The following DCC variants were observed in gnomAD, a reference collection of about 807,000 sequenced individuals.
DCC encodes netrin receptor DCC.
In DCC, 58 loss-of-function variants were observed where a neutral mutation model predicts 172.5. That is an observed-to-expected ratio of 0.34 (90% CI 0.27 to 0.42). DCC has a LOEUF of 0.42. Ranked by LOEUF, DCC falls within the 10% of genes least tolerant of loss-of-function variation. DCC has a pLI of 1.00. For synonymous variants in DCC, 709 were observed against 644.5 expected, an observed-to-expected ratio of 1.10 and a Z score of -1.52; for missense variants, 1,740 against 1,791.0, an observed-to-expected ratio of 0.97 and a Z score of 0.51.
At chr18:53,095,578 G>C (rs1349388391) in intron 7 of DCC, among the ~76,000 whole-genome samples, 1 of 152,070 alleles carries the variant, frequency 6.6e-6, no homozygotes, top group Non-Finnish European at 1.5e-5. Flanking sequence ...CTTGGCTCAT[G>C]GCCCCTTCCT....
intron 13 of DCC, among the ~76,000 whole-genome samples, chr18:53,316,728 T>A (rs939677384): frequency 1.3e-5 from 2 of 152,172 alleles, no homozygotes; most frequent in African/African-American, 2.4e-5. Flanking sequence ...CAATTGTGAA[T>A]GGGAGTTCAC....
At chr18:52,356,797 T>TG (rs1984385741) in intron 1 of DCC, among the ~76,000 whole-genome samples, 1 of 152,042 alleles carries the variant, frequency 6.6e-6, no homozygotes, top group Non-Finnish European at 1.5e-5. Flanking sequence ...CATTTTTTTT[T>TG]TTTGAGTCAG....
At chr18:53,261,369 G>C (rs2056598592) in intron 12 of DCC, among the ~76,000 whole-genome samples, 2 of 152,154 alleles carry the variant, frequency 1.3e-5, no homozygotes, top group African/African-American at 4.8e-5. Flanking sequence ...GACGTTTTGT[G>C]TCCTCTTCTC....
At chr18:52,374,696 C>T (rs892959803) in intron 1 of DCC, among the ~76,000 whole-genome samples, 1 of 152,058 alleles carries the variant, frequency 6.6e-6, no homozygotes, top group African/African-American at 2.4e-5. Flanking sequence ...ATAATATCAA[C>T]TTTGAGCTGG....
intron 9 of DCC, among the ~76,000 whole-genome samples, chr18:53,180,130 T>A (rs1202412829): frequency 6.6e-6 from 1 of 152,174 alleles, no homozygotes; most frequent in African/African-American, 2.4e-5. Context: ...TTCTATCACT[T>A]CTTGGGTGGT....
At chr18:53,092,686 G>A (rs753353820) in intron 7 of DCC, among the ~76,000 whole-genome samples, 4 of 152,032 alleles carry the variant, frequency 2.6e-5, no homozygotes, top group Non-Finnish European at 5.9e-5. Context: ...TATTATTTGG[G>A]TGGCTTTTCT....
chr18:53,517,887 G>GACACA (rs2046356171), intron 27 of DCC, among the ~76,000 whole-genome samples: 1 of 152,092 alleles, frequency 6.6e-6, no homozygotes, highest in Non-Finnish European at 1.5e-5. Context: ...ACTTATGAGG[G>GACACA]ATGCCTGAGG....
chr18:53,131,904 T>G (rs1253283759), intron 7 of DCC, among the ~76,000 whole-genome samples: 1 of 149,706 alleles, frequency 6.7e-6, no homozygotes, highest in African/African-American at 2.4e-5. Context: ...ATTTAAATTT[T>G]ACAGCCTATA....
Position 53,102,702 on chromosome 18 carries a change from C to A in DCC, c.1261+36536C>A, listed in dbSNP as rs138162702. 4.4e-3 allele frequency among the ~76,000 whole-genome samples: 673 copies of A among 152,234 alleles called. 4 individuals carry two copies. The highest frequency in any genetic ancestry group is 0.015 in the African/African-American group (630 of 41,570). On this transcript the variant is annotated intron_variant, in intron 7 of 28. Transcript: ENST00000442544. ...GGGCACCAGATAAATCCCTTAACTGCTGACCTAACTAATAACTTTCCTGTA... is the reference window on the plus strand; with the variant it reads ...GGGCACCAGATAAATCCCTTAACTGATGACCTAACTAATAACTTTCCTGTA...
intron 1 of DCC, among the ~76,000 whole-genome samples, chr18:52,441,740 C>T (rs1987975048): frequency 6.6e-6 from 1 of 152,124 alleles, no homozygotes; most frequent in South Asian, 2.1e-4. Flanking sequence ...AGGGACTCTG[C>T]CAACTAATAG....
intron 8 of DCC, among the ~76,000 whole-genome samples, chr18:53,163,538 T>G (rs1270495476): frequency 6.6e-6 from 1 of 152,210 alleles, no homozygotes; most frequent in Non-Finnish European, 1.5e-5. Flanking sequence ...TATCTCAGAT[T>G]AGCAATAACT....
intron 5 of DCC, among the ~76,000 whole-genome samples, chr18:52,995,441 A>G (rs1193829689): frequency 2.0e-5 from 3 of 151,894 alleles, no homozygotes; most frequent in Non-Finnish European, 4.4e-5. Flanking sequence ...AAAGTTTTGA[A>G]AGTAATATTT....
At chr18:52,463,980 A>G (rs1988707659) in intron 1 of DCC, among the ~76,000 whole-genome samples, 1 of 152,198 alleles carries the variant, frequency 6.6e-6, no homozygotes. Context: ...CACAGTAGCC[A>G]TTCAGGCTTG....
intron 1 of DCC, among the ~76,000 whole-genome samples, chr18:52,571,991 T>C (rs1485286850): frequency 1.3e-5 from 2 of 152,168 alleles, no homozygotes; most frequent in South Asian, 2.1e-4. Flanking sequence ...TATATGGACA[T>C]AGAACATATG....
At chr18:53,280,853 C>A (rs2144727628) in intron 12 of DCC, among the ~76,000 whole-genome samples, 1 of 151,198 alleles carries the variant, frequency 6.6e-6, no homozygotes, top group Admixed American at 6.6e-5. Flanking sequence ...ATGAAATTAC[C>A]ATTTTTGTAG....
chr18:53,012,730 GT>G (rs1397974793), intron 5 of DCC, among the ~76,000 whole-genome samples: 1 of 151,990 alleles, frequency 6.6e-6, no homozygotes, highest in Non-Finnish European at 1.5e-5. Context: ...AAATTAGAGG[GT>G]TTTTATCAGC....
At chr18:52,667,405 C>T (rs2035474984) in intron 1 of DCC, among the ~76,000 whole-genome samples, 1 of 152,234 alleles carries the variant, frequency 6.6e-6, no homozygotes, top group Admixed American at 6.5e-5. Flanking sequence ...CCAACCATGA[C>T]ACGAGTTCTA....
intron 8 of DCC, among the ~76,000 whole-genome samples, chr18:53,173,041 G>A (rs1036169876): frequency 6.6e-6 from 1 of 151,992 alleles, no homozygotes; most frequent in South Asian, 2.1e-4. Context: ...ACAAAAATAA[G>A]CAAAAATCCC....
intron 1 of DCC, among the ~76,000 whole-genome samples, chr18:52,418,593 C>G (rs577176398): frequency 6.6e-6 from 1 of 152,216 alleles, no homozygotes; most frequent in East Asian, 1.9e-4. Context: ...GAGATGGGGA[C>G]AGAAGGTTGA....
Sources: gnomAD v4.1 joint callset for allele counts (sites outside exome capture counted in the v4.1 genomes callset) on GRCh38, gnomAD v4.1.1 for gene constraint, MANE v1.5 for transcripts, NCBI Gene and HGNC (gene_info 2026-07-23, HGNC 2026-07-21) for gene names.